Variants in KIAA0825 observed in about 807,000 individuals in gnomAD.
KIAA0825 encodes KIAA0825.
KIAA0825 carries 119 observed loss-of-function variants against 147.6 expected under a neutral mutation model. That is an observed-to-expected ratio of 0.81 (90% CI 0.69 to 0.94). KIAA0825 has a LOEUF of 0.94. KIAA0825 is among the 40% of genes least tolerant of loss of function. The pLI is 0.00. For missense variants in KIAA0825, 1,381 were observed against 1,472.7 expected, an observed-to-expected ratio of 0.94 and a Z score of 1.02; for synonymous variants, 470 against 518.1, an observed-to-expected ratio of 0.91 and a Z score of 1.26.
intron 14 of KIAA0825, among the ~76,000 whole-genome samples, chr5:94,439,613 C>G (rs896783326): frequency 6.6e-6 from 1 of 152,158 alleles, no homozygotes; most frequent in Non-Finnish European, 1.5e-5. Flanking sequence ...CTGTCTCTGT[C>G]TGTCTCTGTC....
At chr5:94,311,490 C>T (rs760042651) in intron 20 of KIAA0825, among the ~76,000 whole-genome samples, 19 of 151,482 alleles carry the variant, frequency 1.3e-4, no homozygotes, top group Non-Finnish European at 2.1e-4. Flanking sequence ...AGCAAAACTA[C>T]CTGACATAAT....
intron 1 of KIAA0825, among the ~76,000 whole-genome samples, chr5:94,584,321 T>A (rs1782829405): frequency 6.6e-6 from 1 of 152,134 alleles, no homozygotes; most frequent in Admixed American, 6.5e-5. Context: ...CTAACTACAA[T>A]AACCAGTGTA....
intron 20 of KIAA0825, among the ~76,000 whole-genome samples, chr5:94,228,018 GAGAAACT>G (rs1774359552): frequency 6.6e-6 from 1 of 152,104 alleles, no homozygotes; most frequent in South Asian, 2.1e-4. Flanking sequence ...GTAACTGTGA[GAGAAACT>G]AGAAGAAAAA....
At chr5:94,166,609 G>T (rs375183999) in intron 20 of KIAA0825, among the ~76,000 whole-genome samples, 1 of 145,454 alleles carries the variant, frequency 6.9e-6, no homozygotes, top group South Asian at 2.3e-4. Flanking sequence ...CCGGGTTCAC[G>T]CCATTCTCCT....
intron 1 of KIAA0825, among the ~76,000 whole-genome samples, chr5:94,616,847 T>C (rs1204587322): frequency 6.6e-6 from 1 of 152,212 alleles, no homozygotes; most frequent in Non-Finnish European, 1.5e-5. Flanking sequence ...ACTTGATTTC[T>C]AAATGTGACA....
chr5:94,574,998 T>A (rs1376309056), intron 2 of KIAA0825, among the ~76,000 whole-genome samples: 1 of 152,198 alleles, frequency 6.6e-6, no homozygotes, highest in East Asian at 1.9e-4. Context: ...GCCCTTGTAA[T>A]TAAAGTGATG....
chr5:94,195,936 G>A (rs1206755852), intron 20 of KIAA0825, among the ~76,000 whole-genome samples: 1 of 152,048 alleles, frequency 6.6e-6, no homozygotes, highest in East Asian at 1.9e-4. Flanking sequence ...GCCCCTCAGT[G>A]CCCCTTACCA....
At chr5:94,528,271 G>A (rs1769757473) in intron 3 of KIAA0825, among the ~76,000 whole-genome samples, 1 of 152,154 alleles carries the variant, frequency 6.6e-6, no homozygotes. Flanking sequence ...GCCTCTTTCA[G>A]GATTCCCATC....
At position 94,455,196 on chromosome 5, in the gene KIAA0825, G is replaced by A. The variant is rs117285567; in HGVS notation, c.2247-2127C>T. Among the ~76,000 whole-genome samples the A allele has an allele frequency of 1.4e-3, 218 of 150,690 alleles. 1 individual carries two copies. The East Asian group carries it at 0.035, about 24-fold the overall frequency. On this transcript the variant is annotated intron_variant, in intron 12 of 20. Transcript: ENST00000682413. The stretch of plus-strand genomic sequence containing the variant: ...AATTCACACTACCCCCCAACCCCCC[G>A]CCAAAAAAAAGGAACGTAAGATGTA...
In KIAA0825 at chr5:94,520,243, C is replaced by A. The variant is rs1767907010; in HGVS notation, c.970+5G>T. ...AACCAAACAAAAATTTTAAATGTCA[C>A]TAACCCAAAGCATGCACTGCTCCTC... On this transcript the variant is annotated splice_donor_5th_base_variant and intron_variant, in intron 5 of 20. Transcript: ENST00000682413. The A allele has an allele frequency of 6.4e-7, 1 of 1,572,652 alleles. No individual in the cohort carries two copies. Among genetic ancestry groups the A allele is most frequent in the Non-Finnish European group, 8.6e-7 (1 of 1,162,958 alleles).
chr5:94,311,474 G>A (rs193195112), intron 20 of KIAA0825, among the ~76,000 whole-genome samples: 11 of 151,508 alleles, frequency 7.3e-5, no homozygotes, highest in East Asian at 2.0e-4. Context: ...ATACTGCCAC[G>A]CAAATAGCAA....
chr5:94,421,675 T>G (rs1754206439), intron 14 of KIAA0825, among the ~76,000 whole-genome samples: 2 of 152,198 alleles, frequency 1.3e-5, no homozygotes, highest in South Asian at 2.1e-4. Flanking sequence ...CTTTTCCTCT[T>G]GTTTTAATCA....
At chr5:94,579,215 C>G (rs1216366872) in intron 2 of KIAA0825, among the ~76,000 whole-genome samples, 1 of 152,096 alleles carries the variant, frequency 6.6e-6, no homozygotes, top group East Asian at 1.9e-4. Context: ...CCACTGCACC[C>G]AGAAACACAC....
chr5:94,266,503 T>TA (rs905330099), intron 20 of KIAA0825, among the ~76,000 whole-genome samples: 31 of 152,186 alleles, frequency 2.0e-4, no homozygotes, highest in Admixed American at 1.5e-3. Context: ...GGTGCTGTAT[T>TA]AAAAAAAATC....
At chr5:94,539,081 A>G (rs1429208287) in intron 2 of KIAA0825, among the ~76,000 whole-genome samples, 1 of 152,220 alleles carries the variant, frequency 6.6e-6, no homozygotes, top group African/African-American at 2.4e-5. Context: ...CCTGCTGATA[A>G]AACAGCTTGC....
intron 2 of KIAA0825, among the ~76,000 whole-genome samples, chr5:94,546,613 G>C (rs554319634): frequency 6.6e-6 from 1 of 151,814 alleles, no homozygotes; most frequent in Admixed American, 6.6e-5. Context: ...GAATTCTCCT[G>C]GATCATATCA....
chr5:94,437,004 TAAG>T (rs549809501), intron 14 of KIAA0825, among the ~76,000 whole-genome samples: 102 of 152,232 alleles, frequency 6.7e-4, no homozygotes, highest in African/African-American at 2.4e-3. Flanking sequence ...CTTATTAGCA[TAAG>T]AAGTGAAAAA....
At chr5:94,306,591 G>T (rs1463362325) in intron 20 of KIAA0825, among the ~76,000 whole-genome samples, 1 of 151,684 alleles carries the variant, frequency 6.6e-6, no homozygotes, top group Non-Finnish European at 1.5e-5. Context: ...TTCTATCACT[G>T]TACTAAGCCC....
At chr5:94,390,063 G>A (rs533704464) in intron 18 of KIAA0825, among the ~76,000 whole-genome samples, 1 of 152,212 alleles carries the variant, frequency 6.6e-6, no homozygotes, top group Non-Finnish European at 1.5e-5. Flanking sequence ...CTATGTCAGA[G>A]TTATATGAGC....
Sources: allele counts gnomAD v4.1 joint callset (sites outside exome capture counted in the v4.1 genomes callset), GRCh38; gene constraint gnomAD v4.1.1; transcripts MANE v1.5; gene names NCBI Gene and HGNC (gene_info 2026-07-23, HGNC 2026-07-21).